Variants in MBD2 observed in about 807,000 individuals in gnomAD.
MBD2 encodes the protein methyl-CpG binding domain protein 2, also known as methyl-CpG-binding domain protein 2.
A neutral mutation model predicts 39.3 loss-of-function variants in MBD2; 9 were observed. That is an observed-to-expected ratio of 0.23 (90% CI 0.14 to 0.40). The LOEUF (loss-of-function observed/expected upper bound fraction) is 0.40, where lower values mean the gene tolerates loss of function less well. Among genes scored for constraint, MBD2 ranks in the 10% least tolerant of loss-of-function variants. MBD2 has a pLI of 1.00. For synonymous variants in MBD2, 233 were observed against 211.1 expected (o/e 1.10, Z -0.90); for missense variants, 458 against 532.6 (o/e 0.86, Z 1.38).
At chr18:54,180,898 T>TTTTTTTTTG (rs2086246902) in intron 3 of MBD2, among the ~76,000 whole-genome samples, 1 of 39,636 alleles carries the variant, frequency 2.5e-5, no homozygotes, top group Non-Finnish European at 4.7e-5. Context: ...TAATTTTTTC[T>TTTTTTTTTG]TTTTCTTTTT....
intron 3 of MBD2, among the ~76,000 whole-genome samples, chr18:54,180,684 G>C (rs1393475802): frequency 6.6e-6 from 1 of 152,112 alleles, no homozygotes; most frequent in Non-Finnish European, 1.5e-5. Context: ...GCAGAGACTA[G>C]AAGACTTAAC....
At position 54,224,657 on chromosome 18, in the gene MBD2, G is replaced by A; in HGVS notation, c.-98C>T. The A allele has an allele frequency of 1.1e-6, 1 of 919,082 alleles. No homozygotes were observed. The highest frequency in any genetic ancestry group is 1.4e-6 in the Non-Finnish European group (1 of 702,446). The allele number at this position is 919,082 out of a possible 1,614,324, so 56.9% of individuals were successfully genotyped here. A position where few individuals can be genotyped will look rare whatever the true frequency, so the allele number is the denominator to read the frequency against. ...CCGCAGCGCGGCGCGCGGGGGACGC[G>A]CGCAAGCATCATAGAGCGGGCGCGC... On this transcript the variant is annotated 5_prime_UTR_variant, in exon 1 of 7. Transcript: ENST00000256429.
At chr18:54,183,691 AAC>A (rs2086265678) in intron 3 of MBD2, among the ~76,000 whole-genome samples, 1 of 152,238 alleles carries the variant, frequency 6.6e-6, no homozygotes, top group Non-Finnish European at 1.5e-5. Context: ...GCAGATAGTA[AAC>A]ACACACAATG....
At chr18:54,170,197 T>G (rs1170393438) in intron 3 of MBD2, among the ~76,000 whole-genome samples, 2 of 152,230 alleles carry the variant, frequency 1.3e-5, no homozygotes, top group African/African-American at 4.8e-5. Context: ...TTGCATGTAC[T>G]TTACCCCACT....
intron 2 of MBD2, among the ~76,000 whole-genome samples, chr18:54,191,142 G>T (rs2086317520): frequency 6.6e-6 from 1 of 152,124 alleles, no homozygotes; most frequent in Non-Finnish European, 1.5e-5. Flanking sequence ...TCCAGAACAG[G>T]GGTTCTCAAG....
In MBD2 at chr18:54,155,027, G is replaced by A. The variant is rs978716590; in HGVS notation, c.*297C>T. ...GGGGAAACAAATGTTTTACGTAAGT[G>A]CTACATTTCCAGTAGATTGCACCTG... On this transcript the variant is annotated 3_prime_UTR_variant, in exon 7 of 7. Transcript: ENST00000256429. 6.6e-6 allele frequency: 1 copy of A among 152,566 alleles called. No individual in the cohort carries two copies. The highest frequency in any genetic ancestry group is 2.4e-5 in the African/African-American group (1 of 41,424). 9.5% of individuals were successfully genotyped at this position (152,566 alleles called of 1,614,324 possible).
intron 1 of MBD2, among the ~76,000 whole-genome samples, chr18:54,213,031 CAA>C (rs1302306413): frequency 8.3e-5 from 5 of 60,570 alleles, no homozygotes; most frequent in Non-Finnish European, 1.2e-4. Flanking sequence ...GACCCTGTCT[CAA>C]AAAAAAAAAA....
chr18:54,195,128 G>T lies in MBD2; in HGVS notation c.703-6117C>A, dbSNP rs190266915. The stretch of plus-strand genomic sequence containing the variant: ...TATGGAATTTAAAGATATCGAAATG[G>T]ATTCCTTTAAAACCATCCATGTCTA... On this transcript the variant is annotated intron_variant, in intron 2 of 6. Transcript: ENST00000256429. Among the ~76,000 whole-genome samples the T allele has an allele frequency of 6.6e-5, 10 of 152,078 alleles. No homozygotes were observed. The East Asian group carries it at 1.9e-3, about 29-fold the overall frequency.
At chr18:54,185,388 A>C (rs2086279069) in intron 3 of MBD2, among the ~76,000 whole-genome samples, 1 of 152,206 alleles carries the variant, frequency 6.6e-6, no homozygotes, top group South Asian at 2.1e-4. Context: ...AAGACTGTCA[A>C]AAACACAAAA....
chr18:54,204,477 C>A (rs990182655), intron 2 of MBD2, among the ~76,000 whole-genome samples: 6 of 152,090 alleles, frequency 3.9e-5, no homozygotes, highest in African/African-American at 1.4e-4. Flanking sequence ...AATTGCTATA[C>A]AATAAACTAT....
chr18:54,197,513 T>G (rs981614130), intron 2 of MBD2, among the ~76,000 whole-genome samples: 1 of 152,228 alleles, frequency 6.6e-6, no homozygotes, highest in African/African-American at 2.4e-5. Context: ...ACCTCAAATG[T>G]TGAATATTTA....
At chr18:54,179,854 CA>C (rs2086237404) in intron 3 of MBD2, among the ~76,000 whole-genome samples, 1 of 151,550 alleles carries the variant, frequency 6.6e-6, no homozygotes, top group East Asian at 1.9e-4. Context: ...CAATTCTATT[CA>C]ACATTGTATT....
At chr18:54,208,527 G>A (rs1423074342) in intron 1 of MBD2, among the ~76,000 whole-genome samples, 1 of 152,086 alleles carries the variant, frequency 6.6e-6, no homozygotes, top group African/African-American at 2.4e-5. Flanking sequence ...TCAATCAGCT[G>A]TCTCTCACAT....
At chr18:54,210,369 T>G (rs977578365) in intron 1 of MBD2, among the ~76,000 whole-genome samples, 13 of 152,224 alleles carry the variant, frequency 8.5e-5, no homozygotes, top group Non-Finnish European at 1.5e-4. Flanking sequence ...TACTCATATT[T>G]TGTCGCACTG....
chr18:54,171,054 G>A (rs1015575560), intron 3 of MBD2, among the ~76,000 whole-genome samples: 2 of 151,814 alleles, frequency 1.3e-5, no homozygotes, highest in African/African-American at 4.8e-5. Context: ...AAATACTTAA[G>A]GTGATTCTGA....
At chr18:54,179,439 G>A (rs1194387704) in intron 3 of MBD2, among the ~76,000 whole-genome samples, 1 of 152,124 alleles carries the variant, frequency 6.6e-6, no homozygotes, top group Non-Finnish European at 1.5e-5. Context: ...TTTCAATCAT[G>A]AATATAAAGG....
intron 2 of MBD2, among the ~76,000 whole-genome samples, chr18:54,190,731 A>C (rs1043580493): frequency 6.6e-6 from 1 of 152,202 alleles, no homozygotes; most frequent in African/African-American, 2.4e-5. Flanking sequence ...CATATGGCTA[A>C]AAGTCAGTTT....
chr18:54,199,684 TTC>T (rs887939406), intron 2 of MBD2, among the ~76,000 whole-genome samples: 1 of 152,150 alleles, frequency 6.6e-6, no homozygotes, highest in Non-Finnish European at 1.5e-5. Flanking sequence ...GCAGCATCCA[TTC>T]TCTTTGTGTA....
intron 1 of MBD2, chr18:54,222,291 C>T (rs1405527463): frequency 1.0e-5 from 5 of 476,814 alleles, no homozygotes; most frequent in Non-Finnish European, 1.6e-5. Context: ...AGAAATTGTC[C>T]CATTGAATGA....
Sources: allele counts gnomAD v4.1 joint callset (sites outside exome capture counted in the v4.1 genomes callset), GRCh38; gene constraint gnomAD v4.1.1; transcripts MANE v1.5; gene names NCBI Gene and HGNC (gene_info 2026-07-23, HGNC 2026-07-21).